Variants in DNAH12 observed in about 807,000 individuals in gnomAD.
DNAH12 encodes the protein dynein axonemal heavy chain 12.
In DNAH12, 285 loss-of-function variants were observed where a neutral mutation model predicts 371.5. The ratio of observed to expected loss-of-function variants is 0.77; its 90% CI spans 0.70 to 0.85. The LOEUF is 0.85. DNAH12 is among the 40% of genes least tolerant of loss of function. The pLI is 0.00. For synonymous variants in DNAH12, 1,200 were observed against 1,213.0 expected (o/e 0.99, Z 0.22); for missense variants, 3,611 against 3,689.4 (o/e 0.98, Z 0.55).
chr3:57,405,897 G>A lies in DNAH12; in HGVS notation c.6332C>T (p.Thr2111Ile), dbSNP rs782359099. Reference sequence around the variant, plus strand: ...GCGTGAAAAATCACGCAAGTTGAAAGTATAATGGGATTTTGTGGGAGTGGG... The same window carrying A: ...GCGTGAAAAATCACGCAAGTTGAAAATATAATGGGATTTTGTGGGAGTGGG... The part of the protein sequence containing the change: ...LLPTPTKSHY[T>I]FNLRDFSRVI... Residue 2111 changes from threonine to isoleucine, a missense_variant, in exon 41 of 74, where the codon ACT (threonine) becomes ATT (isoleucine). Physicochemically the swap from Thr to Ile is moderately conservative, Grantham distance 89 (BLOSUM62 -1). Transcript: ENST00000495027. 3 of 1,549,906 alleles carry A rather than the reference G, an allele frequency of 1.9e-6. No individual in the cohort carries two copies. Among genetic ancestry groups the A allele is most frequent in the Non-Finnish European group, 2.6e-6 (3 of 1,145,410 alleles).
At chr3:57,485,695 G>A (rs910447438) in intron 12 of DNAH12, among the ~76,000 whole-genome samples, 9 of 151,726 alleles carry the variant, frequency 5.9e-5, no homozygotes, top group South Asian at 2.1e-4. Flanking sequence ...CACCGCACCC[G>A]GCTGGAGGCC....
the DNAH12 span, among the ~76,000 whole-genome samples, chr3:57,553,969 C>T: frequency 6.6e-6 from 1 of 151,218 alleles, no homozygotes; most frequent in Non-Finnish European, 1.5e-5. Context: ...GGATTACAGG[C>T]GAACACCACT....
At chr3:57,476,113 A>C (rs1184159677) in intron 13 of DNAH12, among the ~76,000 whole-genome samples, 2 of 152,228 alleles carry the variant, frequency 1.3e-5, no homozygotes, top group African/African-American at 4.8e-5. Flanking sequence ...GTTTAGGAAC[A>C]ATGACATTAC....
intron 2 of DNAH12, among the ~76,000 whole-genome samples, chr3:57,535,075 G>A (rs1486252304): frequency 6.6e-6 from 1 of 152,158 alleles, no homozygotes; most frequent in Non-Finnish European, 1.5e-5. Flanking sequence ...ATAGGAACAT[G>A]AAGATAAATT....
chr3:57,519,236 GA>G (rs2068318316), intron 4 of DNAH12, among the ~76,000 whole-genome samples: 1 of 152,186 alleles, frequency 6.6e-6, no homozygotes, highest in Non-Finnish European at 1.5e-5. Flanking sequence ...TTTTTGGGAG[GA>G]GGGGGTTTAA....
At chr3:57,483,292 A>AT in intron 13 of DNAH12, 84 bp downstream of exon 13, 2 of 1,463,472 alleles carry the variant, frequency 1.4e-6, no homozygotes, top group Non-Finnish European at 1.8e-6. Flanking sequence ...CTATTTGTGT[A>AT]ACTATATATT....
chr3:57,346,999 A>C (rs2153318745), intron 60 of DNAH12, among the ~76,000 whole-genome samples: 1 of 152,350 alleles, frequency 6.6e-6, no homozygotes, highest in South Asian at 2.1e-4. Flanking sequence ...GAAAGCACCA[A>C]GCCCAGATGG....
intron 35 of DNAH12, among the ~76,000 whole-genome samples, chr3:57,423,691 G>A (rs918123897): frequency 6.6e-6 from 1 of 152,194 alleles, no homozygotes; most frequent in Non-Finnish European, 1.5e-5. Context: ...TCAGGCTCTT[G>A]ATAATCTGTT....
At chr3:57,426,263 T>C (rs1410939443) in intron 34 of DNAH12, among the ~76,000 whole-genome samples, 4 of 152,192 alleles carry the variant, frequency 2.6e-5, no homozygotes, top group Admixed American at 2.6e-4. Flanking sequence ...AAAAGGTTTT[T>C]ATATGCTGTA....
intron 50 of DNAH12, among the ~76,000 whole-genome samples, chr3:57,381,238 T>G (rs1158729051): frequency 0.093 from 1,910 of 20,642 alleles, 21 homozygotes; most frequent in African/African-American, 0.17. Flanking sequence ...GATAGGGAGG[T>G]GTGTGTGTGT....
At chr3:57,366,557 G>C (rs964122351) in intron 57 of DNAH12, among the ~76,000 whole-genome samples, 172 bp downstream of exon 57, 2 of 152,058 alleles carry the variant, frequency 1.3e-5, no homozygotes, top group Admixed American at 1.3e-4. Context: ...AATATAACAC[G>C]GTTGGCTTAT....
rs1553681060 is a variant in DNAH12, at chr3:57,405,903, T to C, written c.6326A>G (p.His2109Arg). Residue 2109 changes from histidine (H) to arginine (R), a missense_variant, in exon 41 of 74, where the codon CAT becomes CGT. Around this residue, in one of 3 missense-constraint regions of DNAH12, gnomAD observed 2,266 missense variants for 2,236.9 expected, o/e 1.01. Coordinates refer to ENST00000495027, the MANE Select transcript of DNAH12 (RefSeq NM_001366028.2). Reference sequence around the variant, plus strand: ...AAAATCACGCAAGTTGAAAGTATAATGGGATTTTGTGGGAGTGGGTAAAAG... The same window carrying C: ...AAAATCACGCAAGTTGAAAGTATAACGGGATTTTGTGGGAGTGGGTAAAAG... ...ENLLPTPTKSHYTFNLRDFSR... is the reference protein window; with the variant it reads ...ENLLPTPTKSRYTFNLRDFSR... 3 of 1,548,684 alleles carry C rather than the reference T, an allele frequency of 1.9e-6. No individual in the cohort carries two copies. Among genetic ancestry groups the C allele is most frequent in the East Asian group, 2.4e-5 (1 of 40,836 alleles).
chr3:57,549,347 C>A, the DNAH12 span, among the ~76,000 whole-genome samples: 1 of 152,022 alleles, frequency 6.6e-6, no homozygotes, highest in African/African-American at 2.4e-5. Flanking sequence ...GAAACCCCGT[C>A]TCTACCAAAA....
chr3:57,549,152 G>C (rs1231253653), upstream of DNAH12, among the ~76,000 whole-genome samples: 1 of 151,884 alleles, frequency 6.6e-6, no homozygotes, highest in Non-Finnish European at 1.5e-5. Flanking sequence ...GGCTGCACTT[G>C]TGAATAGCCA....
intron 58 of DNAH12, among the ~76,000 whole-genome samples, chr3:57,358,796 T>C (rs1403577659): frequency 1.3e-5 from 2 of 152,110 alleles, no homozygotes; most frequent in East Asian, 1.9e-4. Context: ...ATAACTTTTA[T>C]TTTTTTGAAA....
chr3:57,294,986 T>G (rs2107637835), intron 73 of DNAH12, among the ~76,000 whole-genome samples: 1 of 152,260 alleles, frequency 6.6e-6, no homozygotes, highest in East Asian at 1.9e-4. Context: ...GAATGAGACT[T>G]TTTTTTCCAG....
chr3:57,384,107 T>A (rs1331737824), intron 49 of DNAH12, among the ~76,000 whole-genome samples: 1 of 152,078 alleles, frequency 6.6e-6, no homozygotes, highest in African/African-American at 2.4e-5. Flanking sequence ...GTTGTTCTGG[T>A]CTTGCCTAAA....
Position 57,342,295 on chromosome 3 carries a change from C to T in DNAH12, c.9675-7355G>A, listed in dbSNP as rs567973889. The stretch of plus-strand genomic sequence containing the variant: ...TTATATCAAACTAAAAAAGCTTCTG[C>T]ACACCAAAAGACACAACACAATGAA... On this transcript the variant is annotated intron_variant, in intron 60 of 73. Transcript: ENST00000495027. Among the ~76,000 whole-genome samples the T allele has an allele frequency of 2.1e-4, 32 of 151,882 alleles. No individual in the cohort carries two copies. The South Asian group carries it at 5.0e-3, about 24-fold the overall frequency.
Position 57,475,184 on chromosome 3 carries a change from G to C in DNAH12, c.1651-2513C>G, listed in dbSNP as rs1575653290. Among the ~76,000 whole-genome samples, 3 of 152,206 alleles carry C rather than the reference G, an allele frequency of 2.0e-5. No homozygotes were observed. The Middle Eastern group carries it at 0.01, about 518-fold the overall frequency. On this transcript the variant is annotated intron_variant, in intron 13 of 73. Coordinates refer to ENST00000495027, the MANE Select transcript of DNAH12 (RefSeq NM_001366028.2). ...CAAAACTAAACAGCTTCTAGAAAAG[G>C]GTGGAAGAAAAATGTCTTTGAACCA... is the stretch of plus-strand genomic sequence containing the variant.
Sources: gnomAD v4.1 joint callset for allele counts (sites outside exome capture counted in the v4.1 genomes callset) on GRCh38, gnomAD v4.1.1 for gene constraint, gnomAD v4.1.1 regional missense constraint, MANE v1.5 for transcripts, NCBI Gene and HGNC (gene_info 2026-07-23, HGNC 2026-07-21) for gene names.